Variants in ITCH observed in about 807,000 individuals in gnomAD.
The protein encoded by ITCH is itchy E3 ubiquitin protein ligase.
A neutral mutation model predicts 126.8 loss-of-function variants in ITCH; 28 were observed. The ratio of observed to expected loss-of-function variants is 0.22; its 90% CI spans 0.16 to 0.30. The LOEUF is 0.30. Ranked by LOEUF, ITCH falls within the 10% of genes least tolerant of loss-of-function variation. The pLI is 1.00. For synonymous variants in ITCH, 342 were observed against 340.0 expected, an observed-to-expected ratio of 1.01 and a Z score of -0.06; for missense variants, 631 against 1,032.4, an observed-to-expected ratio of 0.61 and a Z score of 5.33.
chr20:34,429,169 C>T (rs1160742678), intron 7 of ITCH, among the ~76,000 whole-genome samples: 3 of 152,048 alleles, frequency 2.0e-5, no homozygotes, highest in Admixed American at 1.3e-4. Context: ...GAACTTCTGA[C>T]CTCAAGTGAT....
chr20:34,466,369 T>C (rs767704986), intron 14 of ITCH: 1 of 532,610 alleles, frequency 1.9e-6, no homozygotes, highest in Non-Finnish European at 3.9e-6. Context: ...GGAATGTTGC[T>C]CTGTAGTTTT....
intron 12 of ITCH, chr20:34,451,000 G>A (rs910492304): frequency 6.6e-6 from 1 of 152,160 alleles, no homozygotes; most frequent in African/African-American, 2.4e-5. Context: ...ACATATGAAA[G>A]TTGTGGGCCC....
chr20:34,474,370 C>T (rs537363568), intron 16 of ITCH, among the ~76,000 whole-genome samples: 35 of 152,298 alleles, frequency 2.3e-4, no homozygotes, highest in Middle Eastern at 6.8e-3. Context: ...TGACTCTTAA[C>T]GAGCATGCTG....
chr20:34,444,660 G>C (rs1312970601), intron 10 of ITCH, among the ~76,000 whole-genome samples: 1 of 151,860 alleles, frequency 6.6e-6, no homozygotes, highest in African/African-American at 2.4e-5. Context: ...TTGTTTTTTC[G>C]AGATGGAGAC....
chr20:34,443,478 G>C (rs1023901458), intron 10 of ITCH, among the ~76,000 whole-genome samples: 1 of 151,584 alleles, frequency 6.6e-6, no homozygotes, highest in African/African-American at 2.4e-5. Context: ...CTGTACTCCA[G>C]CCTGGCGACA....
intron 7 of ITCH, among the ~76,000 whole-genome samples, chr20:34,425,557 T>C (rs1204099480): frequency 6.6e-6 from 1 of 152,198 alleles, no homozygotes; most frequent in African/African-American, 2.4e-5. Context: ...TATTCTGAGA[T>C]AGGAGAAAAC....
At chr20:34,490,533 C>T (rs971413516) in intron 22 of ITCH, among the ~76,000 whole-genome samples, 9 of 152,058 alleles carry the variant, frequency 5.9e-5, no homozygotes, top group African/African-American at 2.2e-4. Flanking sequence ...ATCCCAGCTA[C>T]TTGGGAGGCT....
At chr20:34,442,882 A>G in intron 10 of ITCH, among the ~76,000 whole-genome samples, 1 of 150,448 alleles carries the variant, frequency 6.6e-6, no homozygotes, top group East Asian at 2.0e-4. Flanking sequence ...AGGCTGAGGC[A>G]GGAGAATGGC....
intron 2 of ITCH, among the ~76,000 whole-genome samples, chr20:34,382,901 G>A (rs191101774): frequency 2.0e-5 from 3 of 151,094 alleles, no homozygotes; most frequent in Admixed American, 6.6e-5. Context: ...GCACCGCCAC[G>A]CCTGGCTAAT....
At chr20:34,445,535 G>A (rs1984350509) in intron 11 of ITCH, 74 bp downstream of exon 11, 4 of 1,477,560 alleles carry the variant, frequency 2.7e-6, no homozygotes, top group African/African-American at 2.8e-5. Context: ...GTCATGGAAA[G>A]CACTAAAAAG....
At chr20:34,480,503 AG>A in intron 18 of ITCH, 95 bp from the exon 19 acceptor site, 1 of 1,442,920 alleles carries the variant, frequency 6.9e-7, no homozygotes, top group Non-Finnish European at 9.7e-7. Context: ...TGCCTGACCC[AG>A]GGAAGTGTTT....
intron 1 of ITCH, among the ~76,000 whole-genome samples, chr20:34,365,927 T>C (rs2037405046): frequency 6.6e-6 from 1 of 152,192 alleles, no homozygotes; most frequent in Non-Finnish European, 1.5e-5. Flanking sequence ...CAAATGGTAC[T>C]GTAGACTTAC....
At chr20:34,440,024 A>G in intron 8 of ITCH, 131 bp from the exon 9 acceptor site, 1 of 674,650 alleles carries the variant, frequency 1.5e-6, no homozygotes. Flanking sequence ...TTCTTTAAGT[A>G]ATTTTCACCT....
chr20:34,410,459 C>T (rs1978856077), intron 4 of ITCH, among the ~76,000 whole-genome samples: 2 of 151,314 alleles, frequency 1.3e-5, no homozygotes, highest in Non-Finnish European at 2.9e-5. Context: ...GTGTTTATTT[C>T]AACATAAATG....
intron 6 of ITCH, among the ~76,000 whole-genome samples, chr20:34,422,514 T>C (rs912256329): frequency 6.6e-6 from 1 of 152,222 alleles, no homozygotes; most frequent in Non-Finnish European, 1.5e-5. Flanking sequence ...TATTCCATAT[T>C]AAAACATTCT....
intron 20 of ITCH, among the ~76,000 whole-genome samples, chr20:34,485,751 G>A (rs571528982): frequency 3.3e-5 from 5 of 152,216 alleles, no homozygotes; most frequent in Non-Finnish European, 5.9e-5. Context: ...GGCACGATCA[G>A]AGCTCACTGC....
chr20:34,375,578 C>CAATA (rs1195077815), intron 2 of ITCH, among the ~76,000 whole-genome samples: 4 of 149,618 alleles, frequency 2.7e-5, no homozygotes, highest in Non-Finnish European at 5.9e-5. Context: ...TATTTTATTT[C>CAATA]AATAAATAAA....
intron 2 of ITCH, among the ~76,000 whole-genome samples, chr20:34,388,223 A>G (rs137906647): frequency 6.5e-4 from 98 of 150,976 alleles, no homozygotes; most frequent in East Asian, 7.8e-4. Flanking sequence ...TTGGCCTCCC[A>G]TGTAGCTGGG....
intron 13 of ITCH, among the ~76,000 whole-genome samples, chr20:34,458,386 C>T (rs868851297): frequency 6.6e-6 from 1 of 152,170 alleles, no homozygotes; most frequent in Non-Finnish European, 1.5e-5. Flanking sequence ...AGGCTGTTCT[C>T]AAACTCCTGT....
Sources: gnomAD v4.1 joint callset for allele counts (sites outside exome capture counted in the v4.1 genomes callset) on GRCh38, gnomAD v4.1.1 for gene constraint, MANE v1.5 for transcripts, NCBI Gene and HGNC (gene_info 2026-07-23, HGNC 2026-07-21) for gene names.